Variants in LINGO2 observed in about 807,000 individuals in gnomAD.
LINGO2 encodes leucine rich repeat and Ig domain containing 2.
Under a neutral mutation model 30.6 loss-of-function variants are expected in LINGO2, and 14 were observed. The observed-to-expected ratio is 0.46, with a 90% CI of 0.30 to 0.72. LINGO2 has a LOEUF of 0.72. Ranked by LOEUF, LINGO2 falls within the 30% of genes least tolerant of loss-of-function variation. LINGO2 has a pLI of 0.07. For missense variants in LINGO2, 729 were observed against 751.7 expected, an observed-to-expected ratio of 0.97 and a Z score of 0.35; for synonymous variants, 317 against 288.5, an observed-to-expected ratio of 1.10 and a Z score of -1.00.
chr9:28,109,442 G>T (rs899602482), intron 4 of LINGO2, among the ~76,000 whole-genome samples: 3 of 151,852 alleles, frequency 2.0e-5, no homozygotes, highest in African/African-American at 7.3e-5. Flanking sequence ...ATAGGAAGAG[G>T]TGAAGTCAAA....
chr9:28,981,644 G>C, the LINGO2 span, among the ~76,000 whole-genome samples: 1 of 151,998 alleles, frequency 6.6e-6, no homozygotes, highest in African/African-American at 2.4e-5. Flanking sequence ...AAAGTCAAAT[G>C]GTATTGAATC....
At chr9:29,128,986 T>C in the LINGO2 span, among the ~76,000 whole-genome samples, 1 of 152,142 alleles carries the variant, frequency 6.6e-6, no homozygotes, top group Non-Finnish European at 1.5e-5. Context: ...AAGAAATGTC[T>C]TTAGAATTGT....
the LINGO2 span, among the ~76,000 whole-genome samples, chr9:29,050,706 G>T: frequency 6.6e-6 from 1 of 152,148 alleles, no homozygotes; most frequent in East Asian, 1.9e-4. Context: ...ATTAGCTAGT[G>T]TATACATTTT....
chr9:28,790,585 C>T, the LINGO2 span, among the ~76,000 whole-genome samples: 3 of 151,726 alleles, frequency 2.0e-5, no homozygotes, highest in Non-Finnish European at 4.4e-5. Context: ...CCACACGCCT[C>T]GGGCTCCCAA....
the LINGO2 span, among the ~76,000 whole-genome samples, chr9:29,210,839 T>G: frequency 2.6e-5 from 4 of 152,222 alleles, no homozygotes; most frequent in African/African-American, 9.6e-5. Flanking sequence ...CAAAACATTT[T>G]ACTGGTTTTG....
chr9:28,038,141 G>A (rs1287916814), intron 4 of LINGO2, among the ~76,000 whole-genome samples: 4 of 152,074 alleles, frequency 2.6e-5, no homozygotes, highest in Non-Finnish European at 5.9e-5. Context: ...TTCATTTTCT[G>A]GAATGATAAG....
At chr9:28,965,926 C>T in the LINGO2 span, among the ~76,000 whole-genome samples, 78,773 of 152,056 alleles carry the variant, frequency 0.52, 21,550 homozygotes, top group Non-Finnish European at 0.6. Context: ...TTTGTCTAGA[C>T]AGGATATTTT....
intron 3 of LINGO2, among the ~76,000 whole-genome samples, chr9:28,297,189 C>T (rs1371459175): frequency 6.6e-6 from 1 of 152,052 alleles, no homozygotes; most frequent in African/African-American, 2.4e-5. Flanking sequence ...TTGGTTCTGC[C>T]ACTTATTATA....
chr9:27,950,521 T>G (rs1819249489), exon 6 of LINGO2: 5 of 1,579,866 alleles, frequency 3.2e-6, no homozygotes, highest in Non-Finnish European at 4.3e-6. Context: ...CCCTCTGGGA[T>G]GGCGATCAAT....
chr9:28,752,094 C>T, the LINGO2 span, among the ~76,000 whole-genome samples: 1 of 151,670 alleles, frequency 6.6e-6, no homozygotes, highest in Non-Finnish European at 1.5e-5. Flanking sequence ...TAATAAAATC[C>T]CATAATAAGT....
At chr9:28,748,175 G>A in the LINGO2 span, among the ~76,000 whole-genome samples, 4 of 151,902 alleles carry the variant, frequency 2.6e-5, no homozygotes, top group East Asian at 3.9e-4. Context: ...TATCTCCAAT[G>A]CTACTTCAAC....
intron 1 of LINGO2, among the ~76,000 whole-genome samples, chr9:28,590,807 G>A (rs1824854605): frequency 6.6e-6 from 1 of 151,940 alleles, no homozygotes; most frequent in Admixed American, 6.6e-5. Context: ...CCCATTACTG[G>A]GTATATACCC....
At chr9:28,456,582 T>C (rs950782834) in intron 2 of LINGO2, among the ~76,000 whole-genome samples, 2 of 152,202 alleles carry the variant, frequency 1.3e-5, no homozygotes, top group African/African-American at 2.4e-5. Flanking sequence ...GACAAGAGAC[T>C]GTTGCAGATG....
intron 1 of LINGO2, among the ~76,000 whole-genome samples, chr9:28,507,842 C>T (rs544584380): frequency 6.6e-6 from 1 of 151,908 alleles, no homozygotes; most frequent in Non-Finnish European, 1.5e-5. Context: ...AAATTAACTG[C>T]AAAACTAGCA....
chr9:28,683,395 T>TGTCTG, the LINGO2 span, among the ~76,000 whole-genome samples: 2 of 152,108 alleles, frequency 1.3e-5, no homozygotes, highest in Non-Finnish European at 2.9e-5. Context: ...GGTTTTGCAC[T>TGTCTG]GTGTTTCTTT....
rs540733664 is a variant in LINGO2 at position 28,162,633 on chromosome 9, A to G, written c.-87+132575T>C. Among the ~76,000 whole-genome samples, 4 of 152,246 alleles carry G rather than the reference A, an allele frequency of 2.6e-5. No homozygotes were observed. In the South Asian group the frequency reaches 6.2e-4, roughly 24 times the overall value. On this transcript the variant is annotated intron_variant, in intron 4 of 5. Coordinates refer to ENST00000379992, the Ensembl canonical transcript of LINGO2. Reference sequence around the variant, plus strand: ...AAAGGTAATAATTTACTTACTATGGATTCAAATTTGTGTTTTAAGGAAGAT... The same window carrying G: ...AAAGGTAATAATTTACTTACTATGGGTTCAAATTTGTGTTTTAAGGAAGAT...
chr9:28,817,343 T>C, the LINGO2 span, among the ~76,000 whole-genome samples: 13 of 152,106 alleles, frequency 8.5e-5, no homozygotes, highest in African/African-American at 3.1e-4. Context: ...GAAATAAAAA[T>C]AGATTGGTTG....
chr9:28,635,650 T>G (rs1230464933), intron 1 of LINGO2, among the ~76,000 whole-genome samples: 1 of 152,124 alleles, frequency 6.6e-6, no homozygotes, highest in Non-Finnish European at 1.5e-5. Flanking sequence ...AAATAAGGTT[T>G]AATTTGGGTT....
chr9:27,999,456 G>C (rs1402628031), intron 5 of LINGO2, among the ~76,000 whole-genome samples: 3 of 151,838 alleles, frequency 2.0e-5, no homozygotes, highest in Admixed American at 2.0e-4. Context: ...GAGAGAGAGA[G>C]AGAGAGAGAG....
Sources: allele counts gnomAD v4.1 joint callset (sites outside exome capture counted in the v4.1 genomes callset), GRCh38; gene constraint gnomAD v4.1.1; transcripts MANE v1.5; gene names NCBI Gene and HGNC (gene_info 2026-07-23, HGNC 2026-07-21).